Variants in ANKFN1 observed in about 807,000 individuals in gnomAD.
The protein encoded by ANKFN1 is ankyrin repeat and fibronectin type III domain containing 1.
Under a neutral mutation model 108.7 loss-of-function variants are expected in ANKFN1, and 74 were observed. That is an observed-to-expected ratio of 0.68 (90% CI 0.56 to 0.83). The LOEUF (loss-of-function observed/expected upper bound fraction) is 0.83, where lower values mean the gene tolerates loss of function less well. ANKFN1 is among the 40% of genes least tolerant of loss of function. The pLI is 0.00. For synonymous variants in ANKFN1, 547 were observed against 516.2 expected (o/e 1.06, Z -0.81); for missense variants, 1,505 against 1,382.3 (o/e 1.09, Z -1.41).
intron 6 of ANKFN1, among the ~76,000 whole-genome samples, chr17:56,370,777 G>A (rs1458489169): frequency 6.6e-6 from 1 of 152,168 alleles, no homozygotes; most frequent in Admixed American, 6.5e-5. Flanking sequence ...GCTATAATGA[G>A]ACTGTGTTTG....
intron 20 of ANKFN1, among the ~76,000 whole-genome samples, chr17:56,509,705 C>G (rs1002237452): frequency 6.6e-6 from 1 of 152,130 alleles, no homozygotes; most frequent in East Asian, 1.9e-4. Context: ...TCTTGCCCTG[C>G]CAATTAAGAG....
chr17:56,242,072 G>A (rs753174283), intron 3 of ANKFN1, among the ~76,000 whole-genome samples: 6 of 152,030 alleles, frequency 3.9e-5, no homozygotes, highest in East Asian at 1.9e-4. Flanking sequence ...CTGTTTGACC[G>A]CTGTTAACTT....
At chr17:56,250,416 T>C (rs2043208079) in intron 3 of ANKFN1, among the ~76,000 whole-genome samples, 2 of 152,258 alleles carry the variant, frequency 1.3e-5, no homozygotes, top group African/African-American at 4.8e-5. Context: ...GGGAAGGTGA[T>C]GGCATACTTG....
intron 3 of ANKFN1, among the ~76,000 whole-genome samples, chr17:56,324,201 G>A (rs767059151): frequency 6.6e-6 from 1 of 152,198 alleles, no homozygotes; most frequent in Non-Finnish European, 1.5e-5. Context: ...GATAGGAAGA[G>A]CCAGAATATG....
chr17:56,231,661 C>T (rs935450290), intron 3 of ANKFN1, among the ~76,000 whole-genome samples: 1 of 152,150 alleles, frequency 6.6e-6, no homozygotes, highest in East Asian at 1.9e-4. Context: ...ACAAAGGCCA[C>T]GTATTTCTTC....
At chr17:56,316,931 A>G (rs1175333613) in intron 3 of ANKFN1, among the ~76,000 whole-genome samples, 1 of 152,228 alleles carries the variant, frequency 6.6e-6, no homozygotes, top group East Asian at 1.9e-4. Flanking sequence ...TTAATGAGTG[A>G]GGCACATCTA....
At chr17:56,304,508 T>C (rs1230779726) in intron 3 of ANKFN1, among the ~76,000 whole-genome samples, 1 of 152,158 alleles carries the variant, frequency 6.6e-6, no homozygotes, top group Non-Finnish European at 1.5e-5. Flanking sequence ...GATAAATGCC[T>C]AGTAGTGCAG....
intron 3 of ANKFN1, among the ~76,000 whole-genome samples, chr17:56,273,544 A>C (rs1598336637): frequency 6.6e-6 from 1 of 152,148 alleles, no homozygotes; most frequent in Non-Finnish European, 1.5e-5. Flanking sequence ...AATTACAGAC[A>C]CTCACCAGAT....
At chr17:56,217,200 CTT>C (rs1192720565) in intron 2 of ANKFN1, among the ~76,000 whole-genome samples, 1 of 152,158 alleles carries the variant, frequency 6.6e-6, no homozygotes, top group Non-Finnish European at 1.5e-5. Context: ...ACTGCCCTCT[CTT>C]CTCCAGAGAT....
rs138942572 is a variant in ANKFN1, at chr17:56,342,746, G to T, written c.189-8020G>T. 1.5e-4 allele frequency among the ~76,000 whole-genome samples: 23 copies of T among 152,134 alleles called. No homozygotes were observed. In the East Asian group the frequency reaches 4.1e-3, roughly 27 times the overall value. On this transcript the variant is annotated intron_variant, in intron 4 of 20. Transcript: ENST00000682825. ...TCAATTTTAGAGTAAGTACCATGTG[G>T]TGATTAGAAAAGTGTATATTCTGTT...
intron 3 of ANKFN1, among the ~76,000 whole-genome samples, chr17:56,304,147 C>T (rs1196238099): frequency 6.6e-6 from 1 of 152,142 alleles, no homozygotes; most frequent in Non-Finnish European, 1.5e-5. Flanking sequence ...TGATCACACC[C>T]ACTTCCCTCC....
chr17:56,434,867 A>G (rs1039632315), intron 8 of ANKFN1, among the ~76,000 whole-genome samples: 2 of 152,254 alleles, frequency 1.3e-5, no homozygotes, highest in Admixed American at 1.3e-4. Context: ...GGAAGATTTC[A>G]TAATGCTCTG....
In ANKFN1 at chr17:56,057,584, G is replaced by A. The variant is rs146056089; in HGVS notation, c.288+11259G>A. 5.9e-3 allele frequency among the ~76,000 whole-genome samples: 895 copies of A among 152,168 alleles called. 12 individuals are homozygous for A. Among genetic ancestry groups the A allele is most frequent in the African/African-American group, 0.02 (851 of 41,520 alleles). The stretch of plus-strand genomic sequence containing the variant: ...GCAGATCACTTGAGGTCAGAAGTTC[G>A]AGACCAACCTGGCCAACATGGTCAA... On this transcript the variant is annotated intron_variant, in intron 4 of 12. Transcript: ENST00000635860.
At chr17:56,458,589 A>G (rs1450281829) in intron 14 of ANKFN1, among the ~76,000 whole-genome samples, 1 of 152,186 alleles carries the variant, frequency 6.6e-6, no homozygotes, top group Non-Finnish European at 1.5e-5. Context: ...TTTGTAGGTT[A>G]CAGAGCTCCT....
At chr17:56,414,263 G>A (rs1029421536) in intron 8 of ANKFN1, among the ~76,000 whole-genome samples, 2 of 152,108 alleles carry the variant, frequency 1.3e-5, no homozygotes, top group South Asian at 4.1e-4. Context: ...CAATAGGAAT[G>A]GTGCCAGCTC....
chr17:56,418,232 G>A (rs750416845), intron 8 of ANKFN1, among the ~76,000 whole-genome samples: 6 of 152,170 alleles, frequency 3.9e-5, no homozygotes, highest in African/African-American at 7.2e-5. Flanking sequence ...TTGTTATTTG[G>A]TAAGGAATTA....
chr17:56,481,778 C>T (rs1434108246), intron 17 of ANKFN1, among the ~76,000 whole-genome samples: 3 of 151,962 alleles, frequency 2.0e-5, no homozygotes, highest in African/African-American at 7.3e-5. Context: ...TAAAGGTGGC[C>T]GTGTGTTCAC....
chr17:56,085,227 G>T (rs1905296304), intron 4 of ANKFN1, among the ~76,000 whole-genome samples: 1 of 143,228 alleles, frequency 7.0e-6, no homozygotes, highest in African/African-American at 2.8e-5. Flanking sequence ...CCTAATCCTG[G>T]GAACCTGTGA....
chr17:56,416,814 A>C (rs2048253257), intron 8 of ANKFN1, among the ~76,000 whole-genome samples: 1 of 152,246 alleles, frequency 6.6e-6, no homozygotes. Flanking sequence ...CTAAGTGTCC[A>C]TCAACAGATG....
Sources: gnomAD v4.1 joint callset for allele counts (sites outside exome capture counted in the v4.1 genomes callset) on GRCh38, gnomAD v4.1.1 for gene constraint, MANE v1.5 for transcripts, NCBI Gene and HGNC (gene_info 2026-07-23, HGNC 2026-07-21) for gene names.